Variants in COPB1 observed in about 807,000 individuals in gnomAD.
The protein encoded by COPB1 is coatomer subunit beta.
In COPB1, 21 loss-of-function variants were observed where a neutral mutation model predicts 108.7. That is an observed-to-expected ratio of 0.19 (90% CI 0.14 to 0.28). The LOEUF (loss-of-function observed/expected upper bound fraction) is 0.28, where lower values mean the gene tolerates loss of function less well. COPB1 is among the 10% of genes least tolerant of loss of function. COPB1 has a pLI of 1.00. For synonymous variants in COPB1, 378 were observed against 386.8 expected, an observed-to-expected ratio of 0.98 and a Z score of 0.27; for missense variants, 919 against 1,141.3, an observed-to-expected ratio of 0.81 and a Z score of 2.81.
chr11:14,475,093 CAAAAAAAAAAA>C (rs146181255), intron 13 of COPB1, among the ~76,000 whole-genome samples: 124 of 71,542 alleles, frequency 1.7e-3, no homozygotes, highest in Non-Finnish European at 2.5e-3. Context: ...GACTCTGTGT[CAAAAAAAAAAA>C]AAAAAAAAAA....
At chr11:14,467,694 A>G (rs946001406) in intron 16 of COPB1, among the ~76,000 whole-genome samples, 2 of 152,242 alleles carry the variant, frequency 1.3e-5, no homozygotes. Flanking sequence ...TTACAATGTA[A>G]TATTATTCAG....
chr11:14,488,942 C>T (rs1204606077), intron 5 of COPB1, among the ~76,000 whole-genome samples: 2 of 152,060 alleles, frequency 1.3e-5, no homozygotes, highest in Non-Finnish European at 2.9e-5. Flanking sequence ...TCCTATGTGT[C>T]CTCATATATT....
chr11:14,477,896 C>CA (rs1289045044), intron 11 of COPB1, among the ~76,000 whole-genome samples: 741 of 59,550 alleles, frequency 0.012, 4 homozygotes, highest in Middle Eastern at 0.061. Context: ...GACTCCATCT[C>CA]AAAAAAAAAA....
chr11:14,464,447 G>C (rs750940040), intron 18 of COPB1, among the ~76,000 whole-genome samples: 1 of 152,102 alleles, frequency 6.6e-6, no homozygotes, highest in African/African-American at 2.4e-5. Flanking sequence ...CCTTATGACA[G>C]AAATTGCAAC....
chr11:14,473,119 CGCCT>C (rs1354021027), intron 14 of COPB1, among the ~76,000 whole-genome samples: 1 of 152,048 alleles, frequency 6.6e-6, no homozygotes, highest in East Asian at 1.9e-4. Context: ...GGAGTACAGG[CGCCT>C]GCCACCACAC....
Position 14,466,373 on chromosome 11 carries a change from A to G in COPB1, c.2199T>C (p.His733=), listed in dbSNP as rs200327274. ...CCAGGACAATATCATATTGGTTGAC[A>G]TGAACGTAAGCTTCTGCATATACAG... The part of the protein sequence containing the change: ...SDPVYAEAYV[H]VNQYDIVLDV... The change falls in exon 17 of 22, where the codon CAT becomes CAC. Residue 733 remains histidine, a synonymous_variant. Coordinates refer to ENST00000439561, the MANE Select transcript of COPB1 (RefSeq NM_001144061.2). 1.4e-5 allele frequency: 23 copies of G among 1,613,512 alleles called. No individual in the cohort carries two copies. In the East Asian group the frequency reaches 4.7e-4, roughly 33 times the overall value.
In COPB1 at chr11:14,466,397, A is replaced by G. The variant is rs1216721103; in HGVS notation, c.2175T>C (p.Pro725=). 1 of 1,612,452 alleles carries G rather than the reference A, an allele frequency of 6.2e-7. No individual in the cohort carries two copies. Among genetic ancestry groups the G allele is most frequent in the Non-Finnish European group, 8.5e-7 (1 of 1,179,396 alleles). Residue 725 remains proline (P), a synonymous_variant, in exon 17 of 22, where the codon CCT becomes CCC. Transcript: ENST00000439561. The part of the protein sequence containing the change: ...KVTQLTGFSD[P]VYAEAYVHVN... ...CATGAACGTAAGCTTCTGCATATACAGGATCTGAGAAACCTGTCAATTGGG... is the reference window on the plus strand; with the variant it reads ...CATGAACGTAAGCTTCTGCATATACGGGATCTGAGAAACCTGTCAATTGGG...
At chr11:14,465,127 A>G in intron 17 of COPB1, 97 bp from the exon 18 acceptor site, 1 of 1,406,420 alleles carries the variant, frequency 7.1e-7, no homozygotes, top group Middle Eastern at 2.6e-4. Flanking sequence ...TAAAACCTTA[A>G]ATGTATGCAG....
chr11:14,485,846 A>G (rs1261935647), intron 7 of COPB1, among the ~76,000 whole-genome samples: 1 of 152,192 alleles, frequency 6.6e-6, no homozygotes, highest in Non-Finnish European at 1.5e-5. Context: ...TTGTCTCAAA[A>G]CAAAACAAAA....
intron 13 of COPB1, among the ~76,000 whole-genome samples, chr11:14,475,190 C>T (rs946723960): frequency 6.0e-5 from 9 of 150,618 alleles, no homozygotes; most frequent in African/African-American, 2.0e-4. Flanking sequence ...TAGGGGCATA[C>T]GTAATTGCAG....
In COPB1 at chr11:14,474,563, G is replaced by C. The variant is rs976662584; in HGVS notation, c.1669C>G (p.Leu557Val). The C allele has an allele frequency of 2.5e-6, 4 of 1,613,906 alleles. No homozygotes were observed. Among genetic ancestry groups the C allele is most frequent in the Admixed American group, 1.7e-5 (1 of 60,004 alleles). ...GCAATCTTGGTCAGAGTTGTGGCAA[G>C]GGAGGCAGCAACAAAGAAATCTCCA... ...LDGDFFVAAS[L>V]ATTLTKIALR... Residue 557 changes from leucine (L) to valine (V), a missense_variant, in exon 14 of 22, where the codon CTT (leucine) becomes GTT (valine). Physicochemically the swap from Leu to Val is conservative, Grantham distance 32. Coordinates refer to ENST00000439561, the MANE Select transcript of COPB1 (RefSeq NM_001144061.2).
intron 18 of COPB1, among the ~76,000 whole-genome samples, chr11:14,463,615 C>A (rs61884051): frequency 0.048 from 7,237 of 152,210 alleles, 279 homozygotes; most frequent in East Asian, 0.11. Context: ...CCACCACACC[C>A]GGCCTATCTC....
At chr11:14,498,590 T>C (rs1851079042) in intron 2 of COPB1, among the ~76,000 whole-genome samples, 1 of 152,226 alleles carries the variant, frequency 6.6e-6, no homozygotes, top group South Asian at 2.1e-4. Context: ...ACAAAAATTA[T>C]GACATTTTGA....
At chr11:14,458,074 ATTTTTTT>A (rs748562590) in intron 21 of COPB1, among the ~76,000 whole-genome samples, 191 bp from the exon 22 acceptor site, 4 of 100,728 alleles carry the variant, frequency 4.0e-5, no homozygotes, top group Admixed American at 2.6e-4. Context: ...CCGTCACCAG[ATTTTTTT>A]TTTTTTTTTT....
Position 14,494,364 on chromosome 11 carries a change from G to A in COPB1, c.167C>T (p.Pro56Leu), listed in dbSNP as rs1270908492. 2 of 1,613,406 alleles carry A rather than the reference G, an allele frequency of 1.2e-6. No individual in the cohort carries two copies. Among genetic ancestry groups the A allele is most frequent in the Non-Finnish European group, 1.7e-6 (2 of 1,179,628 alleles). Residue 56 changes from proline (P) to leucine (L), a missense_variant, in exon 3 of 22, where the codon CCT becomes CTT. Pro to Leu is a moderately conservative substitution (Grantham distance 98, BLOSUM62 -3). Around this residue, in one of 5 missense-constraint regions of COPB1, gnomAD observed 92 missense variants for 108.4 expected, o/e 0.85. Transcript: ENST00000439561. ...IIMILNGEKL[P>L]GLLMTIIRFV... ...ACGAATGATGGTCATCAGAAGTCCAGGAAGTTTTTCACCATTCAGAATCAT... is the reference window on the plus strand; with the variant it reads ...ACGAATGATGGTCATCAGAAGTCCAAGAAGTTTTTCACCATTCAGAATCAT...
intron 2 of COPB1, among the ~76,000 whole-genome samples, chr11:14,498,538 T>C (rs1042860623): frequency 6.6e-6 from 1 of 152,184 alleles, no homozygotes; most frequent in African/African-American, 2.4e-5. Flanking sequence ...CTCAACCTGT[T>C]GCCTAGAGAA....
chr11:14,486,680 T>A (rs1236189976), intron 6 of COPB1, among the ~76,000 whole-genome samples, 176 bp from the exon 7 acceptor site: 12 of 152,068 alleles, frequency 7.9e-5, no homozygotes, highest in Admixed American at 7.9e-4. Context: ...TGACACAACA[T>A]CAGTAATTTC....
Position 14,457,720 on chromosome 11 carries a change from T to G in COPB1, c.*104A>C. 1 of 751,172 alleles carries G rather than the reference T, an allele frequency of 1.3e-6. No individual in the cohort carries two copies. Among genetic ancestry groups the G allele is most frequent in the Middle Eastern group, 2.5e-4 (1 of 4,016 alleles). 46.5% of individuals were successfully genotyped at this position (751,172 alleles called of 1,614,324 possible). A position where few individuals can be genotyped will look rare whatever the true frequency, so the allele number is the denominator to read the frequency against. On this transcript the variant is annotated 3_prime_UTR_variant, in exon 22 of 22. Transcript: ENST00000439561. ...ATTATTGGCTGAAAAGTATTCAGCATGAACTCAGATTCTATATAAGCATGA... is the reference window on the plus strand; with the variant it reads ...ATTATTGGCTGAAAAGTATTCAGCAGGAACTCAGATTCTATATAAGCATGA...
In COPB1 at chr11:14,466,272, G is replaced by A. The variant is rs1218625824; in HGVS notation, c.2290+10C>T. 1.2e-6 allele frequency: 2 copies of A among 1,612,008 alleles called. No homozygotes were observed. Among genetic ancestry groups the A allele is most frequent in the Non-Finnish European group, 1.7e-6 (2 of 1,179,042 alleles). The stretch of plus-strand genomic sequence containing the variant: ...TGACAATCTCTTTCCTGAATGGTAA[G>A]TTTCCTCACCTAGTGTAGCTAGTTC... On this transcript the variant is annotated intron_variant, in intron 17 of 21. Transcript: ENST00000439561.
Sources: allele counts gnomAD v4.1 joint callset (sites outside exome capture counted in the v4.1 genomes callset), GRCh38; gene constraint gnomAD v4.1.1; regional missense constraint gnomAD v4.1.1; transcripts MANE v1.5; gene names NCBI Gene and HGNC (gene_info 2026-07-23, HGNC 2026-07-21).